Variants in PDE4D observed in about 807,000 individuals in gnomAD.
PDE4D encodes phosphodiesterase 4D, also known as 3',5'-cyclic-AMP phosphodiesterase 4D.
Under a neutral mutation model 87.4 loss-of-function variants are expected in PDE4D, and 24 were observed. The observed-to-expected ratio is 0.27, with a 90% CI of 0.20 to 0.39. PDE4D has a LOEUF of 0.39. PDE4D is among the 10% of genes least tolerant of loss of function. PDE4D has a pLI of 1.00. For synonymous variants in PDE4D, 384 were observed against 383.2 expected (o/e 1.00, Z -0.02); for missense variants, 714 against 1,041.0 (o/e 0.69, Z 4.32).
intron 1 of PDE4D, among the ~76,000 whole-genome samples, chr5:60,252,863 C>T (rs113223020): frequency 0.014 from 2,139 of 151,788 alleles, 24 homozygotes; most frequent in Middle Eastern, 0.034. Flanking sequence ...TGCCACATCT[C>T]GAGGGAAGAG....
At chr5:59,598,304 C>T (rs1826996195) in intron 1 of PDE4D, among the ~76,000 whole-genome samples, 1 of 152,148 alleles carries the variant, frequency 6.6e-6, no homozygotes, top group Non-Finnish European at 1.5e-5. Context: ...TCTTTTCTCA[C>T]TGACCCTCCC....
intron 1 of PDE4D, among the ~76,000 whole-genome samples, chr5:60,417,689 T>C (rs1361544992): frequency 6.6e-6 from 1 of 151,568 alleles, no homozygotes; most frequent in African/African-American, 2.4e-5. Context: ...TAAAGAAGAA[T>C]TTTTTTTAGA....
At chr5:59,376,504 A>C (rs557254717) in intron 1 of PDE4D, among the ~76,000 whole-genome samples, 1 of 152,302 alleles carries the variant, frequency 6.6e-6, no homozygotes, top group East Asian at 1.9e-4. Flanking sequence ...TACAAGGAGA[A>C]CTACATAACA....
At chr5:59,967,197 A>G (rs1319103628) in intron 3 of PDE4D, among the ~76,000 whole-genome samples, 3 of 152,164 alleles carry the variant, frequency 2.0e-5, no homozygotes, top group African/African-American at 4.8e-5. Flanking sequence ...TTCTTCAGAA[A>G]GAGGGAAGTA....
At position 60,047,618 on chromosome 5, in the gene PDE4D, G is replaced by A. The variant is rs778908991; in HGVS notation, c.43-58901C>T. On this transcript the variant is annotated intron_variant, in intron 2 of 16. Transcript: ENST00000502484. ...ACATCTTAATTTCTGCCTTCATTTCGTTATGTACCCAGTAGTCATTCAGGA... is the reference window on the plus strand; with the variant it reads ...ACATCTTAATTTCTGCCTTCATTTCATTATGTACCCAGTAGTCATTCAGGA... 4.8e-3 allele frequency among the ~76,000 whole-genome samples: 725 copies of A among 151,990 alleles called. 6 individuals carry two copies. Among genetic ancestry groups the A allele is most frequent in the Non-Finnish European group, 7.6e-3 (517 of 67,970 alleles).
chr5:59,301,984 AT>A (rs1770347210), intron 1 of PDE4D, among the ~76,000 whole-genome samples: 1 of 152,164 alleles, frequency 6.6e-6, no homozygotes, highest in African/African-American at 2.4e-5. Flanking sequence ...AAGGGGCAAA[AT>A]GGCGGAGTTT....
In PDE4D at chr5:59,005,975, G is replaced by A. The variant is rs188852141; in HGVS notation, c.922-12510C>T. Reference sequence around the variant, plus strand: ...AAGAATCATGGTTACTATCACCATGGTCAGATCTCTGGACAGGGTGAGGAA... The same window carrying A: ...AAGAATCATGGTTACTATCACCATGATCAGATCTCTGGACAGGGTGAGGAA... On this transcript the variant is annotated intron_variant, in intron 6 of 14. Transcript: ENST00000340635. Among the ~76,000 whole-genome samples the A allele has an allele frequency of 2.1e-4, 32 of 152,276 alleles. No individual in the cohort carries two copies. The East Asian group carries it at 4.4e-3, about 21-fold the overall frequency.
chr5:59,821,061 A>G (rs1769586868), intron 1 of PDE4D, among the ~76,000 whole-genome samples: 1 of 152,130 alleles, frequency 6.6e-6, no homozygotes, highest in Non-Finnish European at 1.5e-5. Flanking sequence ...GTGAAACCCC[A>G]TCTCCACTAA....
intron 5 of PDE4D, among the ~76,000 whole-genome samples, chr5:59,127,785 C>T (rs1274037000): frequency 1.3e-5 from 2 of 152,042 alleles, no homozygotes; most frequent in Non-Finnish European, 2.9e-5. Context: ...TCCTCAGAGG[C>T]TCCTCTTATT....
chr5:59,339,837 T>G (rs1325838324), intron 1 of PDE4D, among the ~76,000 whole-genome samples: 1 of 152,192 alleles, frequency 6.6e-6, no homozygotes, highest in African/African-American at 2.4e-5. Flanking sequence ...ATTATATTCT[T>G]GACATTCAAA....
At chr5:59,964,104 T>A (rs986477244) in intron 3 of PDE4D, among the ~76,000 whole-genome samples, 2 of 152,142 alleles carry the variant, frequency 1.3e-5, no homozygotes, top group East Asian at 3.9e-4. Context: ...CTTGGTTCCA[T>A]GAGAGAAGCT....
intron 2 of PDE4D, among the ~76,000 whole-genome samples, chr5:60,023,485 A>G (rs1443915041): frequency 6.6e-6 from 1 of 151,988 alleles, no homozygotes; most frequent in Non-Finnish European, 1.5e-5. Context: ...TTCTTTTCTT[A>G]TCTGTCTTCA....
intron 1 of PDE4D, among the ~76,000 whole-genome samples, chr5:60,207,952 T>C (rs548775219): frequency 5.7e-4 from 87 of 152,354 alleles, no homozygotes; most frequent in African/African-American, 2.0e-3. Flanking sequence ...CTGCTGTGGG[T>C]ATAAACCAGA....
intron 1 of PDE4D, among the ~76,000 whole-genome samples, chr5:60,300,635 A>C (rs1296652221): frequency 5.3e-5 from 8 of 152,088 alleles, no homozygotes; most frequent in Non-Finnish European, 1.2e-4. Context: ...CCGTTCTCCC[A>C]CCACCATTTA....
intron 11 of PDE4D, among the ~76,000 whole-genome samples, chr5:58,987,171 C>T (rs1381780697): frequency 6.6e-6 from 1 of 152,138 alleles, no homozygotes; most frequent in Non-Finnish European, 1.5e-5. Context: ...CCACTGATAC[C>T]TCCCCACTGA....
Position 59,473,224 on chromosome 5 carries a change from C to A in PDE4D, c.456-257256G>T, listed in dbSNP as rs1029678553. Among the ~76,000 whole-genome samples, 12 of 152,082 alleles carry A rather than the reference C, an allele frequency of 7.9e-5. No individual in the cohort carries two copies. In the South Asian group the frequency reaches 1.7e-3, roughly 21 times the overall value. Reference sequence around the variant, plus strand: ...AACTAGCTCAGTAAACCAAAATACTCTCATAGTTTCAACTATACTAATGCC... The same window carrying A: ...AACTAGCTCAGTAAACCAAAATACTATCATAGTTTCAACTATACTAATGCC... On this transcript the variant is annotated intron_variant, in intron 1 of 14. Coordinates refer to ENST00000340635, the MANE Select transcript of PDE4D (RefSeq NM_001104631.2).
intron 1 of PDE4D, among the ~76,000 whole-genome samples, chr5:59,407,896 A>ATAACC (rs974453154): frequency 2.1e-4 from 32 of 152,212 alleles, no homozygotes; most frequent in African/African-American, 7.0e-4. Context: ...AAGCAAAGAA[A>ATAACC]TAACCTAAAC....
At chr5:59,357,065 C>G (rs1252696974) in intron 1 of PDE4D, 1 of 447,572 alleles carries the variant, frequency 2.2e-6, no homozygotes, top group East Asian at 3.8e-5. Flanking sequence ...TTGGCCTTTG[C>G]GACAGAGTTT....
chr5:59,552,072 G>T (rs931286072), intron 1 of PDE4D, among the ~76,000 whole-genome samples: 18 of 152,032 alleles, frequency 1.2e-4, no homozygotes, highest in African/African-American at 4.3e-4. Flanking sequence ...TTGAAAAACT[G>T]TCCAGGGGTG....
Sources: gnomAD v4.1 joint callset for allele counts (sites outside exome capture counted in the v4.1 genomes callset) on GRCh38, gnomAD v4.1.1 for gene constraint, MANE v1.5 for transcripts, NCBI Gene and HGNC (gene_info 2026-07-23, HGNC 2026-07-21) for gene names.